KDM2B: variants seen among roughly 807,000 people sequenced by gnomAD.
The protein encoded by KDM2B is lysine-specific demethylase 2B.
KDM2B carries 26 observed loss-of-function variants against 150.0 expected under a neutral mutation model. The ratio of observed to expected loss-of-function variants is 0.17; its 90% confidence interval spans 0.13 to 0.24. KDM2B has a LOEUF of 0.24. Among genes scored for constraint, KDM2B ranks in the 10% least tolerant of loss-of-function variants. The pLI, the probability that KDM2B is intolerant of heterozygous loss-of-function variation, is 1.00. For missense variants in KDM2B, 1,265 were observed against 1,816.9 expected (o/e 0.70, Z 5.52); for synonymous variants, 734 against 729.5 (o/e 1.01, Z -0.10).
rs782297983 is a variant in KDM2B at position 121,509,874 on chromosome 12, G to A, written c.1340C>T (p.Thr447Ile). The change falls in exon 11 of 23, where the codon ACC becomes ATC. Residue 447 changes from threonine to isoleucine, a missense_variant. Coordinates refer to ENST00000377071, the MANE Select transcript of KDM2B (RefSeq NM_032590.5). ...KPPTDGSTSP[T>I]STPSEDQEAL... The stretch of plus-strand genomic sequence containing the variant: ...CTCCTGGTCCTCAGAGGGCGTGCTG[G>A]TGGGTGAAGTGGAGCCATCGGTGGG... 1 of 1,613,818 alleles carries A rather than the reference G, an allele frequency of 6.2e-7. No homozygotes were observed. Among genetic ancestry groups the A allele is most frequent in the Non-Finnish European group, 8.5e-7 (1 of 1,179,970 alleles).
chr12:121,520,139 C>A lies in KDM2B; in HGVS notation c.1047+846G>T, dbSNP rs1274605217. Among the ~76,000 whole-genome samples, 5 of 152,178 alleles carry A rather than the reference C, an allele frequency of 3.3e-5. No homozygotes were observed. The highest frequency in any genetic ancestry group is 1.2e-4 in the African/African-American group (5 of 41,440). ...CTCCTGACCTCAAGTGATCCACCCA[C>A]CTCGGCCTCCCAAAGTGCTGGGATT... On this transcript the variant is annotated intron_variant, in intron 9 of 22. Transcript: ENST00000377071. The surrounding 1 kb of genome is among the most constrained non-coding windows in gnomAD (Gnocchi z 4.5).
intron 21 of KDM2B, chr12:121,440,543 TAAGA>T (rs781964386): frequency 1.1e-4 from 47 of 440,460 alleles, no homozygotes; most frequent in Non-Finnish European, 1.7e-4. Context: ...AGCGAGTCAA[TAAGA>T]AAGCAGTGAG....
chr12:121,441,268 G>A (rs1450951052), intron 19 of KDM2B, 35 bp from the exon 20 acceptor site: 1 of 1,605,892 alleles, frequency 6.2e-7, no homozygotes, highest in East Asian at 2.2e-5. Context: ...CATCGTCAGA[G>A]GTGGGGCTCC....
chr12:121,418,338 T>A, the KDM2B span: 1 of 162,026 alleles, frequency 6.2e-6, no homozygotes, highest in African/African-American at 2.4e-5. Flanking sequence ...TTGTTCTAAT[T>A]TAGTTAATGA....
In KDM2B at chr12:121,574,608, G is replaced by A; in HGVS notation, c.351-15C>T. ...GGTCAGGCATCCTGGGGAAAGAGGA[G>A]CACAGACCTTTGGTGAGAGGCCAGA... On this transcript the variant is annotated splice_polypyrimidine_tract_variant and intron_variant, in intron 3 of 22. Transcript: ENST00000377071. 6.2e-7 allele frequency: 1 copy of A among 1,613,708 alleles called. No homozygotes were observed. The highest frequency in any genetic ancestry group is 8.5e-7 in the Non-Finnish European group (1 of 1,179,728).
At chr12:121,497,921 C>T (rs951076054) in intron 11 of KDM2B, among the ~76,000 whole-genome samples, 2 of 151,894 alleles carry the variant, frequency 1.3e-5, no homozygotes, top group Non-Finnish European at 2.9e-5. Context: ...CATGGAGAAA[C>T]CCCATCACTA....
At chr12:121,551,138 T>C (rs1284139607) in intron 4 of KDM2B, among the ~76,000 whole-genome samples, 2 of 152,116 alleles carry the variant, frequency 1.3e-5, no homozygotes, top group Non-Finnish European at 2.9e-5. Context: ...ATATGGGTAA[T>C]AGTCTCATCC....
chr12:121,446,219 C>T (rs975858250), intron 13 of KDM2B, among the ~76,000 whole-genome samples: 52 of 152,292 alleles, frequency 3.4e-4, no homozygotes, highest in Non-Finnish European at 7.1e-4. Flanking sequence ...CACGGTGAAA[C>T]CCCGTCTCTA....
intron 10 of KDM2B, among the ~76,000 whole-genome samples, chr12:121,511,176 T>A (rs1451925065): frequency 6.7e-6 from 1 of 148,910 alleles, no homozygotes; most frequent in Non-Finnish European, 1.5e-5. Context: ...ACCCAGCTAA[T>A]TTTTGTGTTT....
chr12:121,500,385 C>A (rs7309786), intron 11 of KDM2B, among the ~76,000 whole-genome samples: 1 of 152,118 alleles, frequency 6.6e-6, no homozygotes, highest in African/African-American at 2.4e-5. Context: ...ACCCTTTCTG[C>A]GGGAAACTGC....
chr12:121,430,822 T>TCTCATCTAATA lies in KDM2B; in HGVS notation c.3830-364_3830-354dup. 6.6e-6 allele frequency among the ~76,000 whole-genome samples: 1 copy of TCTCATCTAATA among 152,372 alleles called. No homozygotes were observed. Among genetic ancestry groups the TCTCATCTAATA allele is most frequent in the African/African-American group, 2.4e-5 (1 of 41,590 alleles). On this transcript the variant is annotated intron_variant, in intron 22 of 22. Coordinates refer to ENST00000377071, the MANE Select transcript of KDM2B (RefSeq NM_032590.5). The surrounding 1 kb of genome is among the most constrained non-coding windows in gnomAD (Gnocchi z 4.4). ...CACACCATGTCAAGTAGCTTGCTTTTCTCATCTAATATGTTGTTGATGAGT... is the reference window on the plus strand; with the variant it reads ...CACACCATGTCAAGTAGCTTGCTTTTCTCATCTAATACTCATCTAATATGTTGTTGATGAGT...
At chr12:121,494,853 C>T (rs1334987242) in intron 11 of KDM2B, among the ~76,000 whole-genome samples, 188 bp from the exon 12 acceptor site, 1 of 152,186 alleles carries the variant, frequency 6.6e-6, no homozygotes, top group Non-Finnish European at 1.5e-5. Flanking sequence ...ACGAAACACA[C>T]AACGTTCCCC....
intron 13 of KDM2B, among the ~76,000 whole-genome samples, chr12:121,447,947 G>A (rs868929199): frequency 5.3e-5 from 8 of 151,792 alleles, no homozygotes; most frequent in African/African-American, 1.2e-4. Flanking sequence ...ATTAGCCACC[G>A]CGCCCGGCCA....
intron 17 of KDM2B, 25 bp from the exon 18 acceptor site, chr12:121,443,055 G>A (rs782549717): frequency 1.2e-6 from 2 of 1,604,802 alleles, no homozygotes; most frequent in Middle Eastern, 1.7e-4. Flanking sequence ...AAAGGACGCA[G>A]AGCTTGCTCC....
rs782803314 is a variant in KDM2B, at chr12:121,580,960, T to G, written c.-49A>C. 6.2e-7 allele frequency: 1 copy of G among 1,604,828 alleles called. No individual in the cohort carries two copies. Among genetic ancestry groups the G allele is most frequent in the East Asian group, 2.2e-5 (1 of 44,828 alleles). On this transcript the variant is annotated 5_prime_UTR_variant, in exon 1 of 23. An upstream start codon of the reference 5' UTR is lost. Coordinates refer to ENST00000377071, the MANE Select transcript of KDM2B (RefSeq NM_032590.5). ...CAGAAGGAAATTAGCTCGGCTTCCA[T>G]ACCTATAAGGACTGCCTAACTTTTA...
chr12:121,547,243 T>C (rs1453633269), intron 6 of KDM2B, among the ~76,000 whole-genome samples: 2 of 152,168 alleles, frequency 1.3e-5, no homozygotes, highest in South Asian at 2.1e-4. Flanking sequence ...CAGAATGGAA[T>C]TGAAAACAAG....
chr12:121,430,640 G>A lies in KDM2B; in HGVS notation c.3830-171C>T, dbSNP rs1430989934. On this transcript the variant is annotated intron_variant, in intron 22 of 22. Coordinates refer to ENST00000377071, the MANE Select transcript of KDM2B (RefSeq NM_032590.5). The surrounding 1 kb of genome is among the most constrained non-coding windows in gnomAD (Gnocchi z 4.4). ...TGCTTAAAATCTCTCTTCTTCAAAC[G>A]GGGAAGGGTCTCACCCGCCAGGTAT... 1.3e-5 allele frequency: 8 copies of A among 606,668 alleles called. No homozygotes were observed. The highest frequency in any genetic ancestry group is 2.0e-5 in the South Asian group (1 of 50,192). The allele number at this position is 606,668 out of a possible 1,614,324, so 37.6% of individuals were successfully genotyped here. A position where few individuals can be genotyped will look rare whatever the true frequency, so the allele number is the denominator to read the frequency against.
chr12:121,544,542 G>A (rs531894803), intron 6 of KDM2B, among the ~76,000 whole-genome samples: 9 of 152,004 alleles, frequency 5.9e-5, no homozygotes, highest in Admixed American at 4.6e-4. Context: ...CCCGGGAGGC[G>A]GAGGTTGCAG....
intron 12 of KDM2B, among the ~76,000 whole-genome samples, chr12:121,457,739 T>TACACACACATACAC (rs1878484741): frequency 6.9e-6 from 1 of 144,994 alleles, no homozygotes; most frequent in Non-Finnish European, 1.5e-5. Flanking sequence ...ATCGGAAACA[T>TACACACACATACAC]ACACACACAC....
Sources: gnomAD v4.1 joint callset for allele counts (sites outside exome capture counted in the v4.1 genomes callset) on GRCh38, gnomAD v4.1.1 for gene constraint, Gnocchi (gnomAD v3.1) non-coding constraint, MANE v1.5 for transcripts, NCBI Gene and HGNC (gene_info 2026-07-23, HGNC 2026-07-21) for gene names.